The following NAA20 variants were observed in gnomAD, a reference collection of about 807,000 sequenced individuals.
NAA20 encodes N-alpha-acetyltransferase 20, NatB catalytic subunit.
Under a neutral mutation model 23.8 loss-of-function variants are expected in NAA20, and 24 were observed. The observed-to-expected ratio is 1.01, with a 90% confidence interval of 0.73 to 1.42. The LOEUF (loss-of-function observed/expected upper bound fraction) is 1.42, where lower values mean the gene tolerates loss of function less well. NAA20 is among the 40% of genes most tolerant of loss of function. The pLI, the probability that NAA20 is intolerant of heterozygous loss-of-function variation, is 0.00. For missense variants in NAA20, 166 were observed against 223.1 expected, an observed-to-expected ratio of 0.74 and a Z score of 1.63; for synonymous variants, 83 against 77.7, an observed-to-expected ratio of 1.07 and a Z score of -0.36.
Position 20,025,748 on chromosome 20 carries a change from T to G in NAA20, c.150T>G (p.Gly50=). ...ATTTCATTGTTGCAGAGGCACCTGG[T>G]GGAGAATTAATGGGTTATAGTAAGT... ...PEYFIVAEAP[G]GELMGYIMGK... The change falls in exon 3 of 6, where the codon GGT becomes GGG. Residue 50 remains glycine (G), a synonymous_variant. Transcript: ENST00000334982. 6 of 1,606,688 alleles carry G rather than the reference T, an allele frequency of 3.7e-6. No homozygotes were observed. Among genetic ancestry groups the G allele is most frequent in the Non-Finnish European group, 5.1e-6 (6 of 1,173,320 alleles).
At chr20:20,019,428 A>G (rs1020801202) in intron 1 of NAA20, among the ~76,000 whole-genome samples, 5 of 152,200 alleles carry the variant, frequency 3.3e-5, no homozygotes, top group Admixed American at 1.3e-4. Context: ...AGCCTCATGG[A>G]GAATCAGTTT....
intron 4 of NAA20, among the ~76,000 whole-genome samples, chr20:20,030,207 T>G (rs1447477668): frequency 6.6e-6 from 1 of 152,192 alleles, no homozygotes; most frequent in African/African-American, 2.4e-5. Flanking sequence ...GAGGAACATC[T>G]CACTCAGATG....
chr20:20,025,671 C>G lies in NAA20; in HGVS notation c.79-6C>G. On this transcript the variant is annotated splice_region_variant and splice_polypyrimidine_tract_variant and intron_variant, in intron 2 of 5. Transcript: ENST00000334982. ...TTACTTTTCACACTCCTTAACAGGACTCTAGTATGGGATTCCTTTCTACCT... is the reference window on the plus strand; with the variant it reads ...TTACTTTTCACACTCCTTAACAGGAGTCTAGTATGGGATTCCTTTCTACCT... 6.3e-7 allele frequency: 1 copy of G among 1,599,210 alleles called. No individual in the cohort carries two copies. Among genetic ancestry groups the G allele is most frequent in the Non-Finnish European group, 8.6e-7 (1 of 1,166,546 alleles).
At chr20:20,023,513 A>G (rs191809389) in intron 2 of NAA20, among the ~76,000 whole-genome samples, 4 of 152,306 alleles carry the variant, frequency 2.6e-5, no homozygotes, top group Admixed American at 6.5e-5. Flanking sequence ...TATTGTCCTA[A>G]TGGAAAAATG....
chr20:20,018,593 C>G (rs2043247176), intron 1 of NAA20: 1 of 162,282 alleles, frequency 6.2e-6, no homozygotes, highest in African/African-American at 2.4e-5. Context: ...GGTCAGACAA[C>G]TGGGATCAGT....
rs2043364938 is a variant in NAA20 at position 20,033,613 on chromosome 20, AT to A, written c.*428del. The A allele has an allele frequency of 6.5e-6, 1 of 154,008 alleles. No individual in the cohort carries two copies. The highest frequency in any genetic ancestry group is 2.4e-5 in the African/African-American group (1 of 41,494). The allele number at this position is 154,008 out of a possible 1,614,324, so 9.5% of individuals were successfully genotyped here. ...TGTATAAATCTAAGATGTATAATAC[AT>A]TATTGACTCTATGAATGTTTTCTGA... On this transcript the variant is annotated 3_prime_UTR_variant, in exon 6 of 6. Coordinates refer to ENST00000334982, the MANE Select transcript of NAA20 (RefSeq NM_016100.5).
chr20:20,029,851 A>G (rs2043330852), intron 4 of NAA20, among the ~76,000 whole-genome samples: 1 of 152,152 alleles, frequency 6.6e-6, no homozygotes, highest in African/African-American at 2.4e-5. Flanking sequence ...TTCAGGCATT[A>G]CAGGCCACCT....
chr20:20,031,547 C>T (rs1601132832), intron 4 of NAA20, among the ~76,000 whole-genome samples: 1 of 151,672 alleles, frequency 6.6e-6, no homozygotes, highest in Non-Finnish European at 1.5e-5. Flanking sequence ...CATAAAAAGG[C>T]TAAGGAAAGG....
chr20:20,025,558 C>T, intron 2 of NAA20, 119 bp from the exon 3 acceptor site: 4 of 714,906 alleles, frequency 5.6e-6, no homozygotes, highest in Non-Finnish European at 7.5e-6. Context: ...TTATAGGACT[C>T]ATACAGAGCT....
At chr20:20,025,317 A>C (rs561055496) in intron 2 of NAA20, among the ~76,000 whole-genome samples, 1 of 152,332 alleles carries the variant, frequency 6.6e-6, no homozygotes, top group South Asian at 2.1e-4. Context: ...AGGGAACATG[A>C]TATTCATAGA....
intron 4 of NAA20, among the ~76,000 whole-genome samples, chr20:20,032,232 G>A (rs932110436): frequency 6.6e-6 from 1 of 151,782 alleles, no homozygotes; most frequent in Non-Finnish European, 1.5e-5. Flanking sequence ...TGAATTTGTA[G>A]AACAAATGCC....
chr20:20,028,774 G>C (rs911248219), intron 4 of NAA20, among the ~76,000 whole-genome samples: 2 of 152,092 alleles, frequency 1.3e-5, no homozygotes, highest in African/African-American at 4.8e-5. Flanking sequence ...CAAACAAGTA[G>C]AGGAGAAGAA....
chr20:20,029,663 ACAT>A (rs1350639294), intron 4 of NAA20, among the ~76,000 whole-genome samples: 2 of 152,188 alleles, frequency 1.3e-5, no homozygotes, highest in East Asian at 3.9e-4. Flanking sequence ...ATACCAAGTG[ACAT>A]CATTTCAAAG....
rs1601120887 is a variant in NAA20 at position 20,017,400 on chromosome 20, A to G, written c.4A>G (p.Thr2Ala). The G allele has an allele frequency of 6.2e-7, 1 of 1,611,434 alleles. No homozygotes were observed. The highest frequency in any genetic ancestry group is 8.5e-7 in the Non-Finnish European group (1 of 1,179,342). Residue 2 changes from threonine to alanine, a missense_variant, in exon 1 of 6, where the codon ACC becomes GCC. Thr to Ala is a moderately conservative substitution (Grantham distance 58). Coordinates refer to ENST00000334982, the MANE Select transcript of NAA20 (RefSeq NM_016100.5). ...CTTCGGAAGCGGCGGCGGCGCGATG[A>G]CCACGCTACGGGCCTTTACCTGCGA... M[T>A]TLRAFTCDDL...
At chr20:20,027,512 T>C (rs1054107850) in intron 4 of NAA20, among the ~76,000 whole-genome samples, 1 of 152,154 alleles carries the variant, frequency 6.6e-6, no homozygotes, top group Admixed American at 6.6e-5. Flanking sequence ...TTTCATCTAG[T>C]ATTTTTTTTT....
intron 4 of NAA20, 88 bp from the exon 5 acceptor site, chr20:20,032,420 A>G (rs2146470354): frequency 7.4e-7 from 1 of 1,359,872 alleles, no homozygotes. Context: ...AAAGCAAGGT[A>G]AAAACACGTT....
At chr20:20,017,497 TCCCGGCCCCGCCAGCTCCGGC>T (rs748200642) in intron 1 of NAA20, 48 bp downstream of exon 1, 1 of 1,531,676 alleles carries the variant, frequency 6.5e-7, no homozygotes, top group South Asian at 1.2e-5. Context: ...GGGCCTCGCT[TCCCGGCCCCGCCAGCTCCGGC>T]CCCAGCCGCG....
chr20:20,028,266 A>C (rs1249863987), intron 4 of NAA20, among the ~76,000 whole-genome samples: 5 of 152,114 alleles, frequency 3.3e-5, no homozygotes, highest in African/African-American at 1.2e-4. Flanking sequence ...GTGAACAGGG[A>C]GTTAGAAAGT....
At position 20,032,486 on chromosome 20, in the gene NAA20, CTTTT is replaced by C. The variant is rs567920995; in HGVS notation, c.306-19_306-16del. On this transcript the variant is annotated intron_variant, in intron 4 of 5. Coordinates refer to ENST00000334982, the MANE Select transcript of NAA20 (RefSeq NM_016100.5). Reference sequence around the variant, plus strand: ...GGGTTTCTCACATTCTAACATTTTCCTTTTTTGTTTTTCTTTTAAAGAAAGGGTG... The same window carrying C: ...GGGTTTCTCACATTCTAACATTTTCCTTGTTTTTCTTTTAAAGAAAGGGTG... 3.7e-6 allele frequency: 6 copies of C among 1,603,082 alleles called. No homozygotes were observed. In the East Asian group the frequency reaches 6.7e-5, roughly 18 times the overall value.
Sources: allele counts gnomAD v4.1 joint callset (sites outside exome capture counted in the v4.1 genomes callset), GRCh38; gene constraint gnomAD v4.1.1; transcripts MANE v1.5; gene names NCBI Gene and HGNC (gene_info 2026-07-23, HGNC 2026-07-21).